Variants in IL3RA observed in about 807,000 individuals in gnomAD.
IL3RA encodes interleukin-3 receptor subunit alpha.
Under a neutral mutation model 52.3 loss-of-function variants are expected in IL3RA, and 73 were observed. The ratio of observed to expected loss-of-function variants is 1.40; its 90% CI spans 1.16 to 1.70. The LOEUF is 1.70. IL3RA is among the 40% of genes most tolerant of loss of function. IL3RA has a pLI of 0.00. For missense variants in IL3RA, 664 were observed against 504.4 expected, an observed-to-expected ratio of 1.32 and a Z score of -3.03; for synonymous variants, 260 against 194.0, an observed-to-expected ratio of 1.34 and a Z score of -2.83.
intron 2 of IL3RA, 31 bp from the exon 3 acceptor site, chrX:1,345,285 C>G (rs754833288): frequency 6.8e-7 from 1 of 1,464,694 alleles, no homozygotes; most frequent in South Asian, 1.2e-5. Context: ...TCTTACGTAT[C>G]TCTTCGAACT....
At chrX:1,358,754 C>G (rs1235819811) in intron 7 of IL3RA, 107 bp from the exon 8 acceptor site, 21 of 1,201,854 alleles carry the variant, frequency 1.7e-5, no homozygotes, top group African/African-American at 7.5e-5. Context: ...TTCCCAGAGC[C>G]CTCACTGTTT....
At position 1,362,180 on chromosome X, in the gene IL3RA, CTA is replaced by C. The variant is rs1318203777; in HGVS notation, c.760-2956_760-2955del. Among the ~76,000 whole-genome samples, 8 of 148,356 alleles carry C rather than the reference CTA, an allele frequency of 5.4e-5. No individual in the cohort carries two copies. In the South Asian group the frequency reaches 6.4e-4, roughly 12 times the overall value. ...TTTCTCTTTCCCTCTCTCTTTGTAT[CTA>C]TGTCTTTCTGTCTCTCCGTTTCTGT... On this transcript the variant is annotated intron_variant, in intron 8 of 11. Transcript: ENST00000331035.
intron 8 of IL3RA, among the ~76,000 whole-genome samples, chrX:1,362,025 T>G (rs1228467833): frequency 6.6e-6 from 1 of 152,066 alleles, no homozygotes; most frequent in Non-Finnish European, 1.5e-5. Context: ...TCTGTTTTTC[T>G]TTCCCTCTCT....
At chrX:1,343,637 A>C (rs1310186748) in intron 2 of IL3RA, among the ~76,000 whole-genome samples, 4 of 144,854 alleles carry the variant, frequency 2.8e-5, no homozygotes, top group South Asian at 2.3e-4. Flanking sequence ...ATTGCACTCC[A>C]ACCTGGGTGA....
chrX:1,351,271 C>T (rs1224971192), intron 4 of IL3RA, among the ~76,000 whole-genome samples: 7 of 152,102 alleles, frequency 4.6e-5, no homozygotes, highest in African/African-American at 7.2e-5. Context: ...TTTTTTACAA[C>T]GGCTTGTGTA....
chrX:1,356,146 G>GAA, intron 6 of IL3RA, 75 bp from the exon 7 acceptor site: 28 of 919,580 alleles, frequency 3.0e-5, no homozygotes, highest in Non-Finnish European at 4.2e-5. Context: ...AGTATCTCCA[G>GAA]AAAAAAAAAG....
chrX:1,377,808 C>A (rs1158916423), intron 9 of IL3RA, among the ~76,000 whole-genome samples: 1 of 149,360 alleles, frequency 6.7e-6, no homozygotes, highest in Non-Finnish European at 1.5e-5. Context: ...TCGTTTGAAT[C>A]CGGGAGGCAG....
intron 4 of IL3RA, 121 bp downstream of exon 4, chrX:1,348,666 CTTTCT>C (rs1239606137): frequency 4.4e-6 from 2 of 451,414 alleles, no homozygotes; most frequent in African/African-American, 5.1e-5. Flanking sequence ...TTCTTTCTTT[CTTTCT>C]TTCTTTCTTT....
chrX:1,348,486 A>C lies in IL3RA; in HGVS notation c.239A>C (p.Asn80Thr). 1 of 1,613,872 alleles carries C rather than the reference A, an allele frequency of 6.2e-7. No individual in the cohort carries two copies. Among genetic ancestry groups the C allele is most frequent in the Non-Finnish European group, 8.5e-7 (1 of 1,179,844 alleles). ...FGAISLCEVT[N>T]YTVRVANPPF... ...GCAATTTCCTTATGTGAAGTGACCAACTACACCGTCCGAGTGGCCAACCCA... is the reference window on the plus strand; with the variant it reads ...GCAATTTCCTTATGTGAAGTGACCACCTACACCGTCCGAGTGGCCAACCCA... Residue 80 changes from asparagine (N) to threonine (T), a missense_variant, in exon 4 of 12, where the codon AAC becomes ACC. Physicochemically the swap from Asn to Thr is moderately conservative, Grantham distance 65. Transcript: ENST00000331035.
chrX:1,381,061 A>C lies in IL3RA; in HGVS notation c.1019A>C (p.His340Pro), dbSNP rs200307664. The C allele has an allele frequency of 6.2e-7, 1 of 1,613,808 alleles. No homozygotes were observed. The highest frequency in any genetic ancestry group is 1.7e-4 in the Middle Eastern group (1 of 6,056). ...CAGAGACTCTTTCCCCGCATCCCTC[A>C]CATGAAAGACCCCATCGGTGACAGC... ...VMQRLFPRIP[H>P]MKDPIGDSFQ... The change falls in exon 11 of 12, where the codon CAC becomes CCC. Residue 340 changes from histidine to proline, a missense_variant. Coordinates refer to ENST00000331035, the MANE Select transcript of IL3RA (RefSeq NM_002183.4).
chrX:1,339,702 G>A (rs1322675161), intron 1 of IL3RA, among the ~76,000 whole-genome samples: 14 of 152,098 alleles, frequency 9.2e-5, no homozygotes, highest in Admixed American at 9.2e-4. Flanking sequence ...TGAGGCAGGA[G>A]AATCGCTTGA....
At position 1,370,837 on chromosome X, in the gene IL3RA, G is replaced by C. The variant is rs745557194; in HGVS notation, c.874+5585G>C. ...GAGAAGACGGCATCTCCAAGCCCAG[G>C]AGAGGGGCCTCAGGAGGAACCAGCA... On this transcript the variant is annotated intron_variant, in intron 9 of 11. Coordinates refer to ENST00000331035, the MANE Select transcript of IL3RA (RefSeq NM_002183.4). Among the ~76,000 whole-genome samples the C allele has an allele frequency of 8.2e-5, 6 of 73,524 alleles. 2 individuals carry two copies. The highest frequency in any genetic ancestry group is 1.6e-4 in the African/African-American group (2 of 12,754). 48.2% of individuals were successfully genotyped at this position (73,524 alleles called of 152,430 possible).
chrX:1,362,456 CTCTGTT>C (rs1187326868), intron 8 of IL3RA, among the ~76,000 whole-genome samples: 1 of 151,630 alleles, frequency 6.6e-6, no homozygotes, highest in Non-Finnish European at 1.5e-5. Context: ...CTCTGTCTCT[CTCTGTT>C]TCTATCTGTC....
At chrX:1,366,551 C>G (rs868627060) in intron 9 of IL3RA, among the ~76,000 whole-genome samples, 428 of 20,370 alleles carry the variant, frequency 0.021, 1 homozygote, top group Middle Eastern at 0.038. Flanking sequence ...CGGGGTGAGC[C>G]GGGTGCGCGG....
At chrX:1,345,958 G>A (rs1420431847) in intron 3 of IL3RA, among the ~76,000 whole-genome samples, 2 of 152,014 alleles carry the variant, frequency 1.3e-5, no homozygotes, top group Non-Finnish European at 2.9e-5. Flanking sequence ...GGACATCTAA[G>A]ATGGCACACA....
intron 8 of IL3RA, 76 bp downstream of exon 8, chrX:1,358,963 A>G: frequency 2.0e-6 from 2 of 999,604 alleles, no homozygotes; most frequent in African/African-American, 3.4e-5. Context: ...GAATAAAATG[A>G]TAAAAAATAT....
intron 9 of IL3RA, among the ~76,000 whole-genome samples, chrX:1,377,040 A>G (rs1461602892): frequency 6.7e-6 from 1 of 148,764 alleles, no homozygotes; most frequent in East Asian, 2.0e-4. Flanking sequence ...GAGATGGACT[A>G]AGACATCTCA....
At chrX:1,380,540 GGAGGAGGAGGAGGGGGAGGAGAGGC>G (rs2089116489) in intron 10 of IL3RA, among the ~76,000 whole-genome samples, 1 of 20,384 alleles carries the variant, frequency 4.9e-5, no homozygotes, top group Non-Finnish European at 1.0e-4. Context: ...AGGGGGAAGG[GGAGGAGGAGGAGGGGGAGGAGAGGC>G]GAGGGGGAGG....
In IL3RA at chrX:1,347,795, T is replaced by C. The variant is rs760714063; in HGVS notation, c.184-636T>C. 4.8e-4 allele frequency among the ~76,000 whole-genome samples: 73 copies of C among 151,826 alleles called. No homozygotes were observed. The East Asian group carries it at 6.4e-3, about 13-fold the overall frequency. ...GGCTCACGCCTGTCATCCCAGCACT[T>C]TGGGAGGCCGAGGAGGGTGGATCAC... On this transcript the variant is annotated intron_variant, in intron 3 of 11. Transcript: ENST00000331035.
Sources: allele counts gnomAD v4.1 joint callset (sites outside exome capture counted in the v4.1 genomes callset), GRCh38; gene constraint gnomAD v4.1.1; transcripts MANE v1.5; gene names NCBI Gene and HGNC (gene_info 2026-07-23, HGNC 2026-07-21).